The following SPDL1 variants were observed in gnomAD, a reference collection of about 807,000 sequenced individuals.
SPDL1 encodes spindle apparatus coiled-coil protein 1.
A neutral mutation model predicts 79.5 loss-of-function variants in SPDL1; 85 were observed. The observed-to-expected ratio is 1.07, with a 90% CI of 0.90 to 1.28. The LOEUF (loss-of-function observed/expected upper bound fraction) is 1.28, where lower values mean the gene tolerates loss of function less well. SPDL1 is among the 50% of genes most tolerant of loss of function. The pLI is 0.00. For synonymous variants in SPDL1, 269 were observed against 240.3 expected (o/e 1.12, Z -1.10); for missense variants, 703 against 697.8 (o/e 1.01, Z -0.08).
chr5:169,601,187 A>G (rs1755855154), intron 10 of SPDL1, 93 bp from the exon 11 acceptor site: 1 of 1,090,036 alleles, frequency 9.2e-7, no homozygotes, highest in Non-Finnish European at 1.3e-6. Context: ...AAGAATGGAA[A>G]AAGGTATACA....
At position 169,595,501 on chromosome 5, in the gene SPDL1, C is replaced by T. The variant is rs556505584; in HGVS notation, c.891+820C>T. ...CATCTATTAAGTGAAGATGATAGAA[C>T]CCCCTCTTAGAATTGTCCTACAGTT... On this transcript the variant is annotated intron_variant, in intron 7 of 11. Transcript: ENST00000265295. The T allele has an allele frequency of 4.6e-5, 7 of 152,240 alleles. 1 individual carries two copies. Among genetic ancestry groups the T allele is most frequent in the African/African-American group, 1.7e-4 (7 of 41,536 alleles). 9.4% of individuals were successfully genotyped at this position (152,240 alleles called of 1,614,324 possible).
intron 4 of SPDL1, 80 bp from the exon 5 acceptor site, chr5:169,594,065 C>A: frequency 1.6e-6 from 2 of 1,222,810 alleles, no homozygotes; most frequent in Non-Finnish European, 2.3e-6. Flanking sequence ...GGATGTGAAC[C>A]ACAACTGAGA....
Position 169,591,210 on chromosome 5 carries a change from G to T in SPDL1, c.322G>T (p.Glu108Ter). ...LSRSHGQEVN[E>*]LKTKIEKLKV... is the part of the protein sequence containing the mutation. ...CAGAAGCCATGGACAGGAAGTGAAT[G>T]AACTAAAAACTAAGGTTGGGATATC... Residue 108 changes from glutamate (E) to a stop codon, truncating the protein, a stop_gained, in exon 3 of 12, where the codon GAA becomes TAA. Coordinates refer to ENST00000265295, the MANE Select transcript of SPDL1 (RefSeq NM_017785.5). LOFTEE classifies it high-confidence loss of function. The T allele has an allele frequency of 6.2e-7, 1 of 1,612,674 alleles. No individual in the cohort carries two copies. Among genetic ancestry groups the T allele is most frequent in the South Asian group, 1.1e-5 (1 of 90,780 alleles).
chr5:169,596,582 C>G lies in SPDL1; in HGVS notation c.913C>G (p.Gln305Glu). The change falls in exon 8 of 12, where the codon CAG becomes GAG. Residue 305 changes from glutamine to glutamate, a missense_variant. Transcript: ENST00000265295. ...RMKLQIATLL[Q>E]MKGSQTEFEQ... ...CTAGTTACAAATTGCCACGTTGCTA[C>G]AGATGAAAGGGTCTCAAACTGAATT... 6.2e-7 allele frequency: 1 copy of G among 1,611,114 alleles called. No individual in the cohort carries two copies. The highest frequency in any genetic ancestry group is 8.5e-7 in the Non-Finnish European group (1 of 1,178,996).
chr5:169,601,184 GA>G (rs745660756), intron 10 of SPDL1, 95 bp from the exon 11 acceptor site: 768 of 1,072,354 alleles, frequency 7.2e-4, no homozygotes, highest in Non-Finnish European at 9.2e-4. Context: ...TAAAAGAATG[GA>G]AAAAGGTATA....
At chr5:169,597,199 T>C (rs1755630402) in intron 8 of SPDL1, among the ~76,000 whole-genome samples, 1 of 151,594 alleles carries the variant, frequency 6.6e-6, no homozygotes, top group Non-Finnish European at 1.5e-5. Flanking sequence ...AACATTGGTT[T>C]ATTTTAGTTG....
intron 10 of SPDL1, 97 bp downstream of exon 10, chr5:169,599,256 A>C: frequency 3.8e-6 from 4 of 1,051,232 alleles, no homozygotes; most frequent in Non-Finnish European, 5.2e-6. Flanking sequence ...ACTCTATTAC[A>C]AACTCATTTG....
At chr5:169,599,389 A>G (rs935326749) in intron 10 of SPDL1, among the ~76,000 whole-genome samples, 1 of 152,232 alleles carries the variant, frequency 6.6e-6, no homozygotes, top group Non-Finnish European at 1.5e-5. Flanking sequence ...ATCTAATTTC[A>G]TCATACTGTA....
intron 2 of SPDL1, chr5:169,588,914 C>G (rs1755127808): frequency 6.3e-6 from 1 of 159,496 alleles, no homozygotes; most frequent in African/African-American, 2.4e-5. Flanking sequence ...CCTTAGTTCC[C>G]CCATGAAATC....
At chr5:169,585,873 CAT>C (rs1754962374) in intron 1 of SPDL1, 1 of 152,210 alleles carries the variant, frequency 6.6e-6, no homozygotes. Context: ...CATCTAAACT[CAT>C]ATACTTTGCT....
chr5:169,588,607 T>TA, intron 2 of SPDL1, 32 bp downstream of exon 2: 3 of 1,554,226 alleles, frequency 1.9e-6, no homozygotes, highest in Non-Finnish European at 2.6e-6. Context: ...TCTGCAAGAG[T>TA]GTGCTTAGCT....
chr5:169,603,610 C>T (rs1035737331), intron 11 of SPDL1, among the ~76,000 whole-genome samples: 6 of 152,122 alleles, frequency 3.9e-5, no homozygotes, highest in African/African-American at 1.4e-4. Flanking sequence ...AATCCCGGCA[C>T]TTTGGGAGGC....
At chr5:169,600,894 A>G (rs551153583) in intron 10 of SPDL1, among the ~76,000 whole-genome samples, 1 of 152,296 alleles carries the variant, frequency 6.6e-6, no homozygotes, top group African/African-American at 2.4e-5. Context: ...AGAGAGGTTA[A>G]ATAATTCCCC....
At chr5:169,585,136 A>T (rs768938529) in intron 1 of SPDL1, among the ~76,000 whole-genome samples, 1 of 152,182 alleles carries the variant, frequency 6.6e-6, no homozygotes, top group Non-Finnish European at 1.5e-5. Flanking sequence ...TTTCTCATCC[A>T]TTAGACCTCT....
Position 169,599,747 on chromosome 5 carries a change from A to G in SPDL1, c.1324+588A>G, listed in dbSNP as rs143328206. 2.3e-4 allele frequency among the ~76,000 whole-genome samples: 35 copies of G among 152,292 alleles called. No homozygotes were observed. In the East Asian group the frequency reaches 5.6e-3, roughly 24 times the overall value. Reference sequence around the variant, plus strand: ...AATGCAGTCTTGATTCTCAGGGGCCATGTTCCTAACTAAATATTGGGAATT... The same window carrying G: ...AATGCAGTCTTGATTCTCAGGGGCCGTGTTCCTAACTAAATATTGGGAATT... On this transcript the variant is annotated intron_variant, in intron 10 of 11. Coordinates refer to ENST00000265295, the MANE Select transcript of SPDL1 (RefSeq NM_017785.5).
chr5:169,586,254 C>G (rs1581279833), intron 1 of SPDL1: 1 of 152,288 alleles, frequency 6.6e-6, no homozygotes, highest in South Asian at 2.1e-4. Flanking sequence ...ATGGCCAGTT[C>G]TCTGCTCTCA....
intron 1 of SPDL1, among the ~76,000 whole-genome samples, chr5:169,585,016 C>CAAAAAAAAA (rs11415643): frequency 2.4e-4 from 33 of 138,272 alleles, no homozygotes; most frequent in African/African-American, 3.5e-4. Context: ...GACTCCGTCT[C>CAAAAAAAAA]AAAAAAAAAA....
At chr5:169,602,924 G>T (rs1019645035) in intron 11 of SPDL1, among the ~76,000 whole-genome samples, 2 of 152,152 alleles carry the variant, frequency 1.3e-5, no homozygotes, top group South Asian at 2.1e-4. Context: ...ATTTCTGGAG[G>T]TGGATTTCCA....
At position 169,601,311 on chromosome 5, in the gene SPDL1, G is replaced by A. The variant is rs78017607; in HGVS notation, c.1356G>A (p.Arg452=). 0.014 allele frequency: 23,266 copies of A among 1,613,108 alleles called. 200 individuals carry two copies. The highest frequency in any genetic ancestry group is 0.018 in the Non-Finnish European group (20,975 of 1,179,728). ...ETVEVPVLKK[R]REVLPVDITT... Reference sequence around the variant, plus strand: ...TTGAAGTGCCTGTACTGAAAAAGAGGCGTGAGGTGCTCCCTGTGGATATAA... The same window carrying A: ...TTGAAGTGCCTGTACTGAAAAAGAGACGTGAGGTGCTCCCTGTGGATATAA... The change falls in exon 11 of 12, where the codon AGG becomes AGA. Residue 452 remains arginine, a synonymous_variant. Coordinates refer to ENST00000265295, the MANE Select transcript of SPDL1 (RefSeq NM_017785.5).
Sources: allele counts gnomAD v4.1 joint callset (sites outside exome capture counted in the v4.1 genomes callset), GRCh38; gene constraint gnomAD v4.1.1; transcripts MANE v1.5; gene names NCBI Gene and HGNC (gene_info 2026-07-23, HGNC 2026-07-21).